Variants in GRB10 observed in about 807,000 individuals in gnomAD.
The protein encoded by GRB10 is growth factor receptor-bound protein 10.
Under a neutral mutation model 80.9 loss-of-function variants are expected in GRB10, and 20 were observed. The ratio of observed to expected loss-of-function variants is 0.25; its 90% CI spans 0.17 to 0.36. GRB10 has a LOEUF of 0.36. Among genes scored for constraint, GRB10 ranks in the 10% least tolerant of loss-of-function variants. The probability of loss-of-function intolerance (pLI) is 1.00; values close to 1 mark genes in which losing one functional copy is unlikely to be tolerated. For synonymous variants in GRB10, 291 were observed against 291.5 expected (o/e 1.00, Z 0.02); for missense variants, 548 against 747.7 (o/e 0.73, Z 3.12).
Position 50,734,465 on chromosome 7 carries a change from C to G in GRB10, c.-46-2097G>C, listed in dbSNP as rs77674927. Among the ~76,000 whole-genome samples, 448 of 151,794 alleles carry G rather than the reference C, an allele frequency of 3.0e-3. 1 individual carries two copies. Among genetic ancestry groups the G allele is most frequent in the Non-Finnish European group, 5.0e-3 (337 of 67,916 alleles). ...ATCCCACCAGGCTGCCCACACCCCCCACGCACGCCGCACGCCTCCCTGCTG... is the reference window on the plus strand; with the variant it reads ...ATCCCACCAGGCTGCCCACACCCCCGACGCACGCCGCACGCCTCCCTGCTG... On this transcript the variant is annotated intron_variant, in intron 3 of 18. Coordinates refer to ENST00000401949, the MANE Select transcript of GRB10 (RefSeq NM_001350814.2).
intron 3 of GRB10, among the ~76,000 whole-genome samples, chr7:50,751,708 A>G (rs1051576916): frequency 6.6e-6 from 1 of 152,372 alleles, no homozygotes; most frequent in Admixed American, 6.5e-5. Flanking sequence ...TCTGTGCTCA[A>G]TGTATTGTAT....
At chr7:50,630,101 G>A (rs920166129) in intron 7 of GRB10, among the ~76,000 whole-genome samples, 8 of 152,210 alleles carry the variant, frequency 5.3e-5, no homozygotes, top group Non-Finnish European at 8.8e-5. Context: ...TTGTGACCTC[G>A]GATAGGTAAT....
intron 7 of GRB10, chr7:50,645,757 C>A: frequency 3.0e-6 from 1 of 337,042 alleles, no homozygotes; most frequent in Non-Finnish European, 4.2e-6. Context: ...CAGAAACAGC[C>A]AATCAAAGTG....
intron 7 of GRB10, among the ~76,000 whole-genome samples, chr7:50,647,607 G>C (rs2057388496): frequency 6.6e-6 from 1 of 152,256 alleles, no homozygotes; most frequent in Non-Finnish European, 1.5e-5. Context: ...TTGTTAGATG[G>C]CAGAAGGCAA....
intron 7 of GRB10, among the ~76,000 whole-genome samples, chr7:50,657,097 A>C (rs1400913086): frequency 1.3e-5 from 2 of 152,220 alleles, no homozygotes; most frequent in Non-Finnish European, 2.9e-5. Context: ...TTTTAGGAAG[A>C]CCACACTAAG....
At chr7:50,713,581 A>C (rs1587332781) in intron 4 of GRB10, among the ~76,000 whole-genome samples, 7 of 116,092 alleles carry the variant, frequency 6.0e-5, no homozygotes, top group Admixed American at 4.3e-4. Context: ...CTCCATCCTC[A>C]CCTCCACCTC....
chr7:50,710,995 A>G (rs1266328661), intron 4 of GRB10: 19 of 1,091,988 alleles, frequency 1.7e-5, no homozygotes, highest in Non-Finnish European at 2.5e-5. Context: ...CAGAACCTGG[A>G]GAACGGCACA....
chr7:50,619,997 A>G (rs544688724), intron 8 of GRB10, among the ~76,000 whole-genome samples: 1 of 152,314 alleles, frequency 6.6e-6, no homozygotes, highest in South Asian at 2.1e-4. Context: ...TCCCCCAGAA[A>G]GGGAAAAGTC....
At chr7:50,670,703 T>C (rs558901668) in intron 6 of GRB10, among the ~76,000 whole-genome samples, 4 of 152,308 alleles carry the variant, frequency 2.6e-5, no homozygotes, top group Non-Finnish European at 4.4e-5. Flanking sequence ...TGTTTTTCAA[T>C]GTCCTTGAAA....
At chr7:50,674,290 G>A (rs1338314183) in intron 6 of GRB10, 146 bp downstream of exon 6, 7 of 817,392 alleles carry the variant, frequency 8.6e-6, no homozygotes, top group African/African-American at 5.1e-5. Context: ...CAGTGTATCC[G>A]TTATCCCATC....
At chr7:50,773,517 G>A (rs889982226) in intron 2 of GRB10, among the ~76,000 whole-genome samples, 7 of 148,342 alleles carry the variant, frequency 4.7e-5, no homozygotes, top group African/African-American at 1.7e-4. Context: ...GGAGAGGAGA[G>A]GAGAGGAGAG....
At chr7:50,730,358 G>T (rs73124720) in intron 4 of GRB10, among the ~76,000 whole-genome samples, 12,786 of 152,192 alleles carry the variant, frequency 0.084, 920 homozygotes, top group Admixed American at 0.19. Flanking sequence ...AAAATTATTT[G>T]TATGTTGAAG....
intron 11 of GRB10, among the ~76,000 whole-genome samples, chr7:50,615,749 C>T (rs2050502532): frequency 6.6e-6 from 1 of 152,196 alleles, no homozygotes; most frequent in African/African-American, 2.4e-5. Flanking sequence ...CTTTTGAGGG[C>T]CTGCAGCTGT....
At chr7:50,718,566 C>A (rs1018217628) in intron 4 of GRB10, among the ~76,000 whole-genome samples, 1 of 152,160 alleles carries the variant, frequency 6.6e-6, no homozygotes, top group African/African-American at 2.4e-5. Context: ...GAGTATAGAA[C>A]TCAGGGACTC....
chr7:50,621,786 A>G (rs865819562), intron 8 of GRB10, among the ~76,000 whole-genome samples: 3 of 152,260 alleles, frequency 2.0e-5, no homozygotes, highest in Admixed American at 6.5e-5. Context: ...CAAGAAATGG[A>G]AAGGGCAAAA....
At chr7:50,620,487 C>A (rs964224218) in intron 8 of GRB10, among the ~76,000 whole-genome samples, 8 of 151,962 alleles carry the variant, frequency 5.3e-5, no homozygotes, top group African/African-American at 1.9e-4. Flanking sequence ...GAGCCCCGAC[C>A]GGCATGCAGA....
chr7:50,727,500 G>C (rs575147972), intron 4 of GRB10, among the ~76,000 whole-genome samples: 55 of 152,296 alleles, frequency 3.6e-4, no homozygotes, highest in Middle Eastern at 3.4e-3. Context: ...TTAAAGAATA[G>C]AGTTTTCAAC....
intron 7 of GRB10, among the ~76,000 whole-genome samples, chr7:50,653,304 C>T (rs2153620399): frequency 6.6e-6 from 1 of 152,286 alleles, no homozygotes; most frequent in South Asian, 2.1e-4. Flanking sequence ...TGTGCTGCAG[C>T]ACCGCCCATG....
intron 7 of GRB10, among the ~76,000 whole-genome samples, chr7:50,641,947 C>T (rs977720888): frequency 2.0e-5 from 3 of 152,184 alleles, no homozygotes; most frequent in African/African-American, 7.2e-5. Flanking sequence ...ACCAGGAAGT[C>T]TGCACGAACT....
Sources: allele counts gnomAD v4.1 joint callset (sites outside exome capture counted in the v4.1 genomes callset), GRCh38; gene constraint gnomAD v4.1.1; transcripts MANE v1.5; gene names NCBI Gene and HGNC (gene_info 2026-07-23, HGNC 2026-07-21).